MCF2L: variants seen among roughly 807,000 people sequenced by gnomAD.
MCF2L encodes the protein MCF.2 cell line derived transforming sequence like.
MCF2L carries 97 observed loss-of-function variants against 153.4 expected under a neutral mutation model. That is an observed-to-expected ratio of 0.63 (90% CI 0.54 to 0.75). The LOEUF is 0.75. MCF2L is among the 30% of genes least tolerant of loss of function. The pLI is 0.00. For synonymous variants in MCF2L, 659 were observed against 632.2 expected, an observed-to-expected ratio of 1.04 and a Z score of -0.64; for missense variants, 1,347 against 1,495.2, an observed-to-expected ratio of 0.90 and a Z score of 1.64.
At chr13:112,968,846 T>C (rs2081946729), upstream of MCF2L, 1 of 1,150,108 alleles carries the variant, frequency 8.7e-7, no homozygotes, top group Non-Finnish European at 1.1e-6. Flanking sequence ...GCGGGGGCAC[T>C]TGTGCGGCAC....
rs760379440 is a variant in MCF2L at position 113,066,185 on chromosome 13, C to T, written c.881+15C>T. The T allele has an allele frequency of 1.2e-5, 19 of 1,595,250 alleles. No homozygotes were observed. Among genetic ancestry groups the T allele is most frequent in the African/African-American group, 5.4e-5 (4 of 74,682 alleles). On this transcript the variant is annotated intron_variant, in intron 8 of 29. Transcript: ENST00000535094. ...ACCGTGCAGAGGTGAGGCCCGGCTG[C>T]CTTCCTGCCCTCATCCTGTCCCAGT...
chr13:113,006,724 C>A (rs1439932306), intron 1 of MCF2L, among the ~76,000 whole-genome samples: 4 of 152,218 alleles, frequency 2.6e-5, no homozygotes, highest in Admixed American at 2.0e-4. Context: ...GGGTCTGGGC[C>A]CTGTGGAAAT....
intron 20 of MCF2L, 127 bp from the exon 21 acceptor site, chr13:113,085,997 C>A: frequency 2.0e-6 from 2 of 992,162 alleles, no homozygotes; most frequent in Non-Finnish European, 2.8e-6. Flanking sequence ...GCAGGCAGGG[C>A]AGCTCCCCAC....
At position 112,902,390 on chromosome 13, in the gene MCF2L, G is replaced by A. The variant is rs373805792; in HGVS notation, c.169+19G>A. 47 of 1,607,260 alleles carry A rather than the reference G, an allele frequency of 2.9e-5. No homozygotes were observed. The East Asian group carries it at 5.1e-4, about 18-fold the overall frequency. ...GCCACAGGTAGGCGCCTGGTGCTGC[G>A]GCCTCATTTGATTTTGCAGGTCTCA... On this transcript the variant is annotated intron_variant, in intron 2 of 29. Coordinates refer to the MCF2L transcript ENST00000375608.
chr13:113,071,681 G>C (rs1466071442), intron 9 of MCF2L, among the ~76,000 whole-genome samples: 1 of 152,192 alleles, frequency 6.6e-6, no homozygotes, highest in East Asian at 1.9e-4. Flanking sequence ...GGGCACATTT[G>C]TGTGGGTCTG....
intron 2 of MCF2L, among the ~76,000 whole-genome samples, chr13:112,930,948 T>C (rs2081456345): frequency 6.6e-6 from 1 of 151,992 alleles, no homozygotes; most frequent in Admixed American, 6.6e-5. Flanking sequence ...AATAAATAAA[T>C]AAATAGTAAA....
intron 3 of MCF2L, among the ~76,000 whole-genome samples, chr13:113,037,742 A>T (rs1451711408): frequency 1.3e-5 from 2 of 152,200 alleles, no homozygotes; most frequent in East Asian, 1.9e-4. Flanking sequence ...TCTGCATTTC[A>T]TGGTGAGGTA....
At chr13:113,003,412 G>T (rs539929783) in intron 1 of MCF2L, among the ~76,000 whole-genome samples, 3 of 151,276 alleles carry the variant, frequency 2.0e-5, no homozygotes, top group Non-Finnish European at 4.4e-5. Flanking sequence ...GTGGAGCACC[G>T]TGGAAGGCTC....
intron 8 of MCF2L, among the ~76,000 whole-genome samples, chr13:113,066,883 G>A (rs547487919): frequency 2.6e-5 from 4 of 152,244 alleles, no homozygotes; most frequent in Non-Finnish European, 5.9e-5. Flanking sequence ...GACCAAGCTG[G>A]TCCTTTTGAC....
At chr13:112,896,060 C>T (rs1267609028) in intron 1 of MCF2L, among the ~76,000 whole-genome samples, 1 of 152,208 alleles carries the variant, frequency 6.6e-6, no homozygotes, top group African/African-American at 2.4e-5. Context: ...CAACGTTAGA[C>T]GGTGGGCTTA....
chr13:113,051,920 T>G lies in MCF2L; in HGVS notation c.369+6559T>G, dbSNP rs576103894. 2.0e-5 allele frequency among the ~76,000 whole-genome samples: 3 copies of G among 151,996 alleles called. No homozygotes were observed. In the South Asian group the frequency reaches 6.3e-4, roughly 32 times the overall value. Reference sequence around the variant, plus strand: ...ATCCGTGAATGGATGAATCCATTCATGAGGGTGGGGCCGTCCTGACCCAGT... The same window carrying G: ...ATCCGTGAATGGATGAATCCATTCAGGAGGGTGGGGCCGTCCTGACCCAGT... On this transcript the variant is annotated intron_variant, in intron 4 of 29. Coordinates refer to ENST00000535094, the MANE Select transcript of MCF2L (RefSeq NM_001112732.3).
chr13:112,976,829 T>C (rs1317506), intron 1 of MCF2L, among the ~76,000 whole-genome samples: 106,969 of 152,024 alleles, frequency 0.7, 37,891 homozygotes, highest in African/African-American at 0.73. Flanking sequence ...GCGGGAAACC[T>C]GGAGACAAGG....
chr13:112,895,613 G>A (rs907253086), intron 1 of MCF2L, among the ~76,000 whole-genome samples: 1 of 152,160 alleles, frequency 6.6e-6, no homozygotes, highest in Non-Finnish European at 1.5e-5. Context: ...CCTGAGTTCT[G>A]CAGCCTCCGT....
chr13:113,017,950 T>C (rs1185312798), intron 2 of MCF2L, among the ~76,000 whole-genome samples: 2 of 152,244 alleles, frequency 1.3e-5, no homozygotes, highest in Non-Finnish European at 2.9e-5. Flanking sequence ...ACTGCGTTTC[T>C]TTCCACTTGC....
chr13:112,922,509 T>C (rs2081362501), intron 2 of MCF2L, among the ~76,000 whole-genome samples: 1 of 150,386 alleles, frequency 6.6e-6, no homozygotes, highest in Admixed American at 6.6e-5. Context: ...GAAGTAAAAA[T>C]CTGAAAGCAT....
chr13:113,013,482 G>A (rs1342400922), intron 1 of MCF2L, among the ~76,000 whole-genome samples: 2 of 152,196 alleles, frequency 1.3e-5, no homozygotes, highest in Non-Finnish European at 2.9e-5. Context: ...CCCAGGAGGG[G>A]CCCCTTTGTG....
intron 1 of MCF2L, among the ~76,000 whole-genome samples, chr13:113,003,250 C>A (rs576141347): frequency 4.7e-5 from 7 of 150,236 alleles, no homozygotes; most frequent in African/African-American, 1.7e-4. Flanking sequence ...AGGTGGCCCC[C>A]GTGGGTTTTG....
At position 113,028,993 on chromosome 13, in the gene MCF2L, G is replaced by C. The variant is rs376493576; in HGVS notation, c.278+4235G>C. Among the ~76,000 whole-genome samples the C allele has an allele frequency of 1.4e-4, 21 of 151,776 alleles. No homozygotes were observed. The highest frequency in any genetic ancestry group is 1.6e-4 in the Non-Finnish European group (11 of 67,900). ...GGGTGAGTGTGGGGTGTGGTGTGTG[G>C]GGGGTGTGTGTGAGCGTGAGTGTAT... On this transcript the variant is annotated intron_variant, in intron 3 of 29. Transcript: ENST00000535094. This position sits in a 1 kb window ranked among gnomAD's most constrained non-coding sequence, Gnocchi z 5.4.
At chr13:112,906,113 G>T (rs1240506435) in intron 2 of MCF2L, among the ~76,000 whole-genome samples, 3 of 152,214 alleles carry the variant, frequency 2.0e-5, no homozygotes, top group African/African-American at 7.2e-5. Flanking sequence ...AGCTCGCTCG[G>T]TGCGGTCTGA....
Sources: gnomAD v4.1 joint callset for allele counts (sites outside exome capture counted in the v4.1 genomes callset) on GRCh38, gnomAD v4.1.1 for gene constraint, Gnocchi (gnomAD v3.1) non-coding constraint, MANE v1.5 for transcripts, NCBI Gene and HGNC (gene_info 2026-07-23, HGNC 2026-07-21) for gene names.